The following CCDC171 variants were observed in gnomAD, a reference collection of about 807,000 sequenced individuals.
CCDC171 encodes coiled-coil domain containing 171.
Under a neutral mutation model 168.2 loss-of-function variants are expected in CCDC171, and 177 were observed. The ratio of observed to expected loss-of-function variants is 1.05; its 90% CI spans 0.93 to 1.19. The LOEUF (loss-of-function observed/expected upper bound fraction) is 1.19. Ranked by LOEUF, CCDC171 falls within the 50% of genes most tolerant of loss-of-function variation. The pLI is 0.00. For synonymous variants in CCDC171, 687 were observed against 540.8 expected (o/e 1.27, Z -3.75); for missense variants, 1,991 against 1,539.0 (o/e 1.29, Z -4.91).
intron 25 of CCDC171, among the ~76,000 whole-genome samples, chr9:15,946,506 C>G (rs1828403832): frequency 6.6e-6 from 1 of 151,912 alleles, no homozygotes; most frequent in Non-Finnish European, 1.5e-5. Flanking sequence ...AACCACTGCT[C>G]AACAAAATAA....
intron 25 of CCDC171, among the ~76,000 whole-genome samples, chr9:15,936,751 CT>C (rs1827166943): frequency 2.0e-5 from 3 of 152,050 alleles, no homozygotes. Flanking sequence ...AAATGTGCTT[CT>C]GATTAGGTGG....
At chr9:15,633,078 A>T (rs959080925) in intron 7 of CCDC171, among the ~76,000 whole-genome samples, 3 of 152,204 alleles carry the variant, frequency 2.0e-5, no homozygotes, top group Non-Finnish European at 4.4e-5. Context: ...CCTATAGGAA[A>T]ACCTAGGCAT....
At chr9:15,606,028 C>A (rs974969790) in intron 6 of CCDC171, among the ~76,000 whole-genome samples, 1 of 152,044 alleles carries the variant, frequency 6.6e-6, no homozygotes, top group Non-Finnish European at 1.5e-5. Context: ...CCTATGATAA[C>A]GTTTAATTTA....
At chr9:15,690,843 A>G (rs2050729156) in intron 10 of CCDC171, among the ~76,000 whole-genome samples, 1 of 152,176 alleles carries the variant, frequency 6.6e-6, no homozygotes, top group African/African-American at 2.4e-5. Flanking sequence ...CATGATATGA[A>G]CAGGCAATGC....
chr9:15,674,505 A>G (rs2049369386), intron 9 of CCDC171, among the ~76,000 whole-genome samples: 1 of 152,196 alleles, frequency 6.6e-6, no homozygotes, highest in Admixed American at 6.5e-5. Flanking sequence ...TTAGTGCTGT[A>G]AATTTCCCTC....
chr9:15,633,954 C>T (rs915044714), intron 7 of CCDC171, among the ~76,000 whole-genome samples: 8 of 150,310 alleles, frequency 5.3e-5, no homozygotes, highest in African/African-American at 1.7e-4. Flanking sequence ...TATTCTCACT[C>T]ATAGGTGGGA....
intron 24 of CCDC171, among the ~76,000 whole-genome samples, chr9:15,907,891 G>C (rs1398416680): frequency 1.3e-5 from 2 of 152,206 alleles, no homozygotes; most frequent in Non-Finnish European, 2.9e-5. Context: ...GCAGCCAACA[G>C]ACACATGAAA....
rs113840314 is a variant in CCDC171 at position 15,724,778 on chromosome 9, A to G, written c.1494A>G (p.Glu498=). 1.1e-5 allele frequency: 17 copies of G among 1,611,502 alleles called. 1 individual carries two copies. In the African/African-American group the frequency reaches 1.2e-4, roughly 11 times the overall value. The stretch of plus-strand genomic sequence containing the variant: ...TCTTTATTTGGTATCTATGACAGGA[A>G]CTTCAGGATAAACTGGCTGATGTTA... ...KIDSHTKNIK[E]LQDKLADVNK... Residue 498 remains glutamate, a splice_region_variant and synonymous_variant, in exon 14 of 26, where the codon GAA becomes GAG. Transcript: ENST00000380701.
At chr9:15,864,081 G>A (rs2061669599) in intron 23 of CCDC171, among the ~76,000 whole-genome samples, 1 of 151,776 alleles carries the variant, frequency 6.6e-6, no homozygotes, top group South Asian at 2.1e-4. Flanking sequence ...TTTTTTCTTG[G>A]TTAAGCTTTT....
chr9:15,937,714 G>A (rs950134622), intron 25 of CCDC171, among the ~76,000 whole-genome samples: 2 of 151,938 alleles, frequency 1.3e-5, no homozygotes, highest in Non-Finnish European at 2.9e-5. Flanking sequence ...TTTATGCCAA[G>A]CTTAATACCT....
intron 24 of CCDC171, among the ~76,000 whole-genome samples, chr9:15,882,648 A>G (rs2995025): frequency 0.78 from 118,271 of 151,964 alleles, 46,800 homozygotes; most frequent in East Asian, 0.85. Context: ...CGTCGGTTAT[A>G]GTCATTGTGA....
chr9:15,738,241 C>T (rs1000140023), intron 16 of CCDC171, among the ~76,000 whole-genome samples: 4 of 152,082 alleles, frequency 2.6e-5, no homozygotes, highest in African/African-American at 4.8e-5. Flanking sequence ...GTGCTGTAAG[C>T]CAGTAAGGCA....
chr9:15,791,913 G>T (rs1588520946), intron 21 of CCDC171, among the ~76,000 whole-genome samples: 1 of 152,156 alleles, frequency 6.6e-6, no homozygotes, highest in African/African-American at 2.4e-5. Flanking sequence ...AAAAATCAGA[G>T]CACCTCTCCC....
chr9:15,906,035 C>T (rs923904781), intron 24 of CCDC171, among the ~76,000 whole-genome samples: 80 of 151,854 alleles, frequency 5.3e-4, no homozygotes, highest in African/African-American at 1.8e-3. Context: ...TAATTATTAG[C>T]TTACCAACCA....
intron 12 of CCDC171, among the ~76,000 whole-genome samples, chr9:15,722,842 A>G (rs1436882899): frequency 6.6e-6 from 1 of 152,226 alleles, no homozygotes; most frequent in Non-Finnish European, 1.5e-5. Context: ...TCTATGAGGA[A>G]CAAATATTAC....
intron 24 of CCDC171, among the ~76,000 whole-genome samples, chr9:15,910,765 C>G (rs1355985400): frequency 6.6e-6 from 1 of 151,300 alleles, no homozygotes; most frequent in Non-Finnish European, 1.5e-5. Context: ...TCTCATTATT[C>G]AACTCCCACT....
intron 10 of CCDC171, among the ~76,000 whole-genome samples, chr9:15,684,824 G>T (rs2050271981): frequency 6.6e-6 from 1 of 152,082 alleles, no homozygotes; most frequent in Non-Finnish European, 1.5e-5. Context: ...AATACATTAA[G>T]ATTTGTCAAT....
At chr9:15,765,338 G>T (rs962277437) in intron 18 of CCDC171, among the ~76,000 whole-genome samples, 1 of 152,106 alleles carries the variant, frequency 6.6e-6, no homozygotes, top group African/African-American at 2.4e-5. Context: ...TGTTTGTGTG[G>T]TAAGGGGAAT....
chr9:16,065,813 T>TGCATG (rs368606664), downstream of CCDC171, among the ~76,000 whole-genome samples: 3 of 104,470 alleles, frequency 2.9e-5, no homozygotes, highest in African/African-American at 1.1e-4. Flanking sequence ...GTGCATGGTG[T>TGCATG]GTGTGTGTGT....
Sources: allele counts gnomAD v4.1 joint callset (sites outside exome capture counted in the v4.1 genomes callset), GRCh38; gene constraint gnomAD v4.1.1; transcripts MANE v1.5; gene names NCBI Gene and HGNC (gene_info 2026-07-23, HGNC 2026-07-21).